The following SNX18 variants were observed in gnomAD, a reference collection of about 807,000 sequenced individuals.
SNX18 encodes sorting nexin-18.
SNX18 carries 35 observed loss-of-function variants against 48.7 expected under a neutral mutation model. The ratio of observed to expected loss-of-function variants is 0.72; its 90% CI spans 0.55 to 0.95. The LOEUF (loss-of-function observed/expected upper bound fraction) is 0.95. Among genes scored for constraint, SNX18 ranks in the 40% least tolerant of loss-of-function variants. The pLI is 0.00. For synonymous variants in SNX18, 492 were observed against 384.7 expected, an observed-to-expected ratio of 1.28 and a Z score of -3.26; for missense variants, 824 against 871.0, an observed-to-expected ratio of 0.95 and a Z score of 0.68.
downstream of SNX18, among the ~76,000 whole-genome samples, chr5:54,551,094 A>T (rs1336595438): frequency 6.6e-6 from 1 of 151,976 alleles, no homozygotes; most frequent in Non-Finnish European, 1.5e-5. Context: ...AAAAAAAAGA[A>T]AAAAAAAGAT....
chr5:54,588,306 C>CTTTATTTTTTTTTTTTTTTTTT, the SNX18 span, among the ~76,000 whole-genome samples: 10 of 73,918 alleles, frequency 1.4e-4, 2 homozygotes, highest in Non-Finnish European at 1.5e-4. Context: ...TATTTCTATT[C>CTTTATTTTTTTTTTTTTTTTTT]TTTTTTTTTT....
chr5:54,560,558 T>C, the SNX18 span, among the ~76,000 whole-genome samples: 112,847 of 151,452 alleles, frequency 0.75, 42,344 homozygotes, highest in Non-Finnish European at 0.79. Flanking sequence ...AAATAGTCTG[T>C]ACAACAAACC....
chr5:54,541,071 A>G (rs960581344), intron 1 of SNX18, among the ~76,000 whole-genome samples: 8 of 151,066 alleles, frequency 5.3e-5, no homozygotes, highest in African/African-American at 2.0e-4. Flanking sequence ...CTTGTTGCCC[A>G]GGCTGGAGTA....
chr5:54,558,173 G>C, the SNX18 span, among the ~76,000 whole-genome samples: 1 of 152,116 alleles, frequency 6.6e-6, no homozygotes, highest in Non-Finnish European at 1.5e-5. Flanking sequence ...CTGTGTCCTG[G>C]TACATAAGTA....
At chr5:54,527,892 A>T (rs1428635995) in intron 1 of SNX18, among the ~76,000 whole-genome samples, 1 of 152,228 alleles carries the variant, frequency 6.6e-6, no homozygotes, top group African/African-American at 2.4e-5. Flanking sequence ...ATGATGATGG[A>T]TAACAGTCTA....
chr5:54,566,426 G>A, the SNX18 span, among the ~76,000 whole-genome samples: 7 of 152,128 alleles, frequency 4.6e-5, no homozygotes, highest in East Asian at 1.3e-3. Context: ...GCCAGTACAG[G>A]GCATCTCGCC....
At chr5:54,637,569 A>C in the SNX18 span, among the ~76,000 whole-genome samples, 2 of 152,182 alleles carry the variant, frequency 1.3e-5, no homozygotes, top group African/African-American at 4.8e-5. Context: ...AGAAAAGATA[A>C]TAAAAATAGT....
the SNX18 span, among the ~76,000 whole-genome samples, chr5:54,611,371 T>C: frequency 6.6e-6 from 1 of 152,062 alleles, no homozygotes; most frequent in Non-Finnish European, 1.5e-5. Flanking sequence ...ATGCCCTGTC[T>C]CCTGAACATG....
chr5:54,605,683 A>G, the SNX18 span, among the ~76,000 whole-genome samples: 2 of 152,244 alleles, frequency 1.3e-5, no homozygotes, highest in Admixed American at 6.5e-5. Context: ...TTTTTGAGGC[A>G]GGGTCTTGCA....
chr5:54,595,105 C>T, the SNX18 span, among the ~76,000 whole-genome samples: 7,673 of 152,242 alleles, frequency 0.05, 259 homozygotes, highest in Non-Finnish European at 0.078. Flanking sequence ...CATGTCTTTG[C>T]TATTATGAAT....
the SNX18 span, among the ~76,000 whole-genome samples, chr5:54,606,325 C>A: frequency 1.9e-3 from 284 of 152,324 alleles, 4 homozygotes; most frequent in Admixed American, 0.017. Context: ...GCTATTGATT[C>A]ATCTATCATA....
At chr5:54,630,173 T>C in the SNX18 span, among the ~76,000 whole-genome samples, 27 of 152,200 alleles carry the variant, frequency 1.8e-4, no homozygotes, top group Admixed American at 1.8e-3. Flanking sequence ...AGCTCTGTTG[T>C]ACTCAGTGCC....
chr5:54,639,149 C>T, the SNX18 span, among the ~76,000 whole-genome samples: 1 of 152,124 alleles, frequency 6.6e-6, no homozygotes, highest in East Asian at 1.9e-4. Context: ...TTGAGGCTGA[C>T]AGTAAAAATT....
the SNX18 span, among the ~76,000 whole-genome samples, chr5:54,640,399 T>C: frequency 1.4e-5 from 1 of 73,784 alleles, no homozygotes; most frequent in Admixed American, 1.1e-4. Context: ...CTTTCTTTTT[T>C]TTAAAAAAAA....
chr5:54,586,335 C>A, the SNX18 span, among the ~76,000 whole-genome samples: 1 of 152,016 alleles, frequency 6.6e-6, no homozygotes, highest in Non-Finnish European at 1.5e-5. Context: ...TGCAGCCTGG[C>A]GTGATGATGC....
chr5:54,636,601 C>T, the SNX18 span, among the ~76,000 whole-genome samples: 1 of 152,178 alleles, frequency 6.6e-6, no homozygotes, highest in African/African-American at 2.4e-5. Context: ...TTGCCCCAAA[C>T]CTGCCTCTTT....
At chr5:54,573,897 A>G in the SNX18 span, among the ~76,000 whole-genome samples, 1 of 152,164 alleles carries the variant, frequency 6.6e-6, no homozygotes, top group African/African-American at 2.4e-5. Flanking sequence ...CTTAAGAGTT[A>G]AGGAGTAGCT....
At chr5:54,540,260 G>A (rs572192065) in intron 1 of SNX18, among the ~76,000 whole-genome samples, 1 of 151,614 alleles carries the variant, frequency 6.6e-6, no homozygotes, top group Middle Eastern at 3.4e-3. Flanking sequence ...CACCTAGCAG[G>A]CTGGAGGTGC....
In SNX18 at chr5:54,543,657, C is replaced by T; in HGVS notation, c.*225C>T. 4.0e-6 allele frequency: 2 copies of T among 501,610 alleles called. No individual in the cohort carries two copies. The highest frequency in any genetic ancestry group is 3.5e-6 in the Non-Finnish European group (1 of 284,918). The allele number at this position is 501,610 out of a possible 1,614,324, so 31.1% of individuals were successfully genotyped here. ...TTGTAACTAAATTATACTATGTATG[C>T]CTACACTACCATTGTAACTTTTGGA... On this transcript the variant is annotated 3_prime_UTR_variant, in exon 2 of 2. Transcript: ENST00000381410.
Sources: gnomAD v4.1 joint callset for allele counts (sites outside exome capture counted in the v4.1 genomes callset) on GRCh38, gnomAD v4.1.1 for gene constraint, MANE v1.5 for transcripts, NCBI Gene and HGNC (gene_info 2026-07-23, HGNC 2026-07-21) for gene names.